GABRG3: variants seen among roughly 807,000 people sequenced by gnomAD.
GABRG3 encodes gamma-aminobutyric acid receptor subunit gamma-3.
A neutral mutation model predicts 48.8 loss-of-function variants in GABRG3; 25 were observed. The ratio of observed to expected loss-of-function variants is 0.51; its 90% CI spans 0.37 to 0.72. The LOEUF (loss-of-function observed/expected upper bound fraction) is 0.72, where lower values mean the gene tolerates loss of function less well. GABRG3 is among the 30% of genes least tolerant of loss of function. GABRG3 has a pLI of 0.00. For synonymous variants in GABRG3, 227 were observed against 217.6 expected (o/e 1.04, Z -0.38); for missense variants, 394 against 577.9 (o/e 0.68, Z 3.26).
At chr15:27,488,022 G>C (rs1334527929) in intron 6 of GABRG3, among the ~76,000 whole-genome samples, 1 of 152,174 alleles carries the variant, frequency 6.6e-6, no homozygotes, top group African/African-American at 2.4e-5. Context: ...GTGGAGCGCA[G>C]CACTCTAGAA....
At chr15:27,015,423 C>T (rs1425439735) in intron 2 of GABRG3, among the ~76,000 whole-genome samples, 3 of 136,678 alleles carry the variant, frequency 2.2e-5, no homozygotes, top group South Asian at 2.3e-4. Context: ...CTCGCTCTGT[C>T]ACCCAGGCTG....
At chr15:27,380,216 C>T (rs1474750949) in intron 5 of GABRG3, among the ~76,000 whole-genome samples, 1 of 152,170 alleles carries the variant, frequency 6.6e-6, no homozygotes, top group South Asian at 2.1e-4. Context: ...TTTTTGACCA[C>T]TAGCCTTTCC....
intron 5 of GABRG3, among the ~76,000 whole-genome samples, chr15:27,388,294 A>AGG (rs1451259516): frequency 1.2e-4 from 5 of 41,886 alleles, no homozygotes; most frequent in African/African-American, 3.5e-4. Flanking sequence ...GAAGGAAGAA[A>AGG]AGAAGGAAGG....
At chr15:27,220,785 A>T (rs4887567) in intron 3 of GABRG3, among the ~76,000 whole-genome samples, 1 of 151,840 alleles carries the variant, frequency 6.6e-6, no homozygotes, top group East Asian at 1.9e-4. Flanking sequence ...CCTGGAAGGG[A>T]CTCAGAACTT....
At chr15:27,284,929 G>C (rs146679590) in intron 3 of GABRG3, among the ~76,000 whole-genome samples, 1 of 152,174 alleles carries the variant, frequency 6.6e-6, no homozygotes, top group Non-Finnish European at 1.5e-5. Context: ...AAAGAAACTT[G>C]TTGAAAGCAG....
chr15:27,522,378 A>C (rs1891178859), intron 7 of GABRG3, among the ~76,000 whole-genome samples: 1 of 151,952 alleles, frequency 6.6e-6, no homozygotes, highest in African/African-American at 2.4e-5. Context: ...AATCAATAGA[A>C]AAATGGATTT....
At chr15:27,490,100 G>T (rs763338450) in intron 6 of GABRG3, among the ~76,000 whole-genome samples, 28 of 152,256 alleles carry the variant, frequency 1.8e-4, no homozygotes, top group Non-Finnish European at 3.8e-4. Context: ...TGGCTAGCCA[G>T]TTTTCCCAAC....
chr15:27,061,162 A>C (rs1269945612), intron 3 of GABRG3, among the ~76,000 whole-genome samples: 3 of 152,226 alleles, frequency 2.0e-5, no homozygotes, highest in African/African-American at 7.2e-5. Flanking sequence ...GGTGTTGTCT[A>C]TGCTGGTAAG....
chr15:27,234,685 C>T (rs1889901807), intron 3 of GABRG3, among the ~76,000 whole-genome samples: 1 of 152,124 alleles, frequency 6.6e-6, no homozygotes, highest in African/African-American at 2.4e-5. Flanking sequence ...GTAGGTGTCT[C>T]TGTTACAGGA....
chr15:27,419,582 C>T (rs1004481874), intron 5 of GABRG3, among the ~76,000 whole-genome samples: 3 of 152,260 alleles, frequency 2.0e-5, no homozygotes, highest in African/African-American at 4.8e-5. Context: ...AGGTACTAAA[C>T]GGAGAATTAT....
chr15:27,410,705 C>T (rs762305971), intron 5 of GABRG3, among the ~76,000 whole-genome samples: 2 of 152,102 alleles, frequency 1.3e-5, no homozygotes, highest in African/African-American at 2.4e-5. Flanking sequence ...TTTAGTTTAT[C>T]TGAGAATGTC....
At chr15:27,367,191 C>A (rs1895235597) in intron 5 of GABRG3, among the ~76,000 whole-genome samples, 2 of 152,160 alleles carry the variant, frequency 1.3e-5, no homozygotes. Flanking sequence ...TCACTACCTC[C>A]CTCCCCCTAC....
intron 3 of GABRG3, among the ~76,000 whole-genome samples, chr15:27,064,297 C>T (rs1896700672): frequency 1.3e-5 from 2 of 152,190 alleles, no homozygotes; most frequent in Admixed American, 1.3e-4. Flanking sequence ...AATGTTTCAG[C>T]CTGAATCGGG....
intron 2 of GABRG3, among the ~76,000 whole-genome samples, chr15:26,996,119 T>C (rs1382603620): frequency 6.6e-6 from 1 of 152,172 alleles, no homozygotes; most frequent in African/African-American, 2.4e-5. Context: ...TACTTTTTTA[T>C]GCAATTGCCT....
intron 3 of GABRG3, among the ~76,000 whole-genome samples, chr15:27,098,389 G>A (rs908253195): frequency 6.6e-6 from 1 of 152,172 alleles, no homozygotes; most frequent in African/African-American, 2.4e-5. Flanking sequence ...AGCTGAGAGC[G>A]CACCACTGCA....
chr15:27,142,399 G>A (rs1898120771), intron 3 of GABRG3, among the ~76,000 whole-genome samples: 1 of 152,170 alleles, frequency 6.6e-6, no homozygotes, highest in Non-Finnish European at 1.5e-5. Flanking sequence ...ATGGATGGCA[G>A]TTGGCAAAGA....
rs146758872 is a variant in GABRG3, at chr15:26,975,824, C to T, written c.54-1178C>T. 2.8e-3 allele frequency among the ~76,000 whole-genome samples: 424 copies of T among 152,218 alleles called. No homozygotes were observed. The highest frequency in any genetic ancestry group is 4.2e-3 in the Non-Finnish European group (285 of 68,002). On this transcript the variant is annotated intron_variant, in intron 1 of 9. Coordinates refer to ENST00000615808, the MANE Select transcript of GABRG3 (RefSeq NM_033223.5). This position sits in a 1 kb window ranked among gnomAD's most constrained non-coding sequence, Gnocchi z 4.6. ...AGTTCATATACAGTCAGGACAAATC[C>T]GCTTCCGTGCAGTTTTCAATTCTTT...
chr15:27,088,072 AGT>A (rs540505280), intron 3 of GABRG3, among the ~76,000 whole-genome samples: 1 of 137,534 alleles, frequency 7.3e-6, no homozygotes, highest in Admixed American at 7.1e-5. Context: ...GGTGTGCTGC[AGT>A]GTGTGTGTGA....
intron 3 of GABRG3, among the ~76,000 whole-genome samples, chr15:27,140,608 G>A (rs1426937949): frequency 6.6e-6 from 1 of 151,554 alleles, no homozygotes; most frequent in African/African-American, 2.4e-5. Flanking sequence ...TTTACCTTCT[G>A]GGGAATTTCC....
Sources: gnomAD v4.1 joint callset for allele counts (sites outside exome capture counted in the v4.1 genomes callset) on GRCh38, gnomAD v4.1.1 for gene constraint, Gnocchi (gnomAD v3.1) non-coding constraint, MANE v1.5 for transcripts, NCBI Gene and HGNC (gene_info 2026-07-23, HGNC 2026-07-21) for gene names.